Variants in WDR33 observed in about 807,000 individuals in gnomAD.
The protein encoded by WDR33 is pre-mRNA 3' end processing protein WDR33.
Under a neutral mutation model 164.9 loss-of-function variants are expected in WDR33, and 47 were observed. The observed-to-expected ratio is 0.29, with a 90% CI of 0.23 to 0.36. WDR33 has a LOEUF of 0.36. Among genes scored for constraint, WDR33 ranks in the 10% least tolerant of loss-of-function variants. WDR33 has a pLI of 1.00. For synonymous variants in WDR33, 505 were observed against 589.0 expected, an observed-to-expected ratio of 0.86 and a Z score of 2.06; for missense variants, 1,137 against 1,754.1, an observed-to-expected ratio of 0.65 and a Z score of 6.28.
intron 8 of WDR33, among the ~76,000 whole-genome samples, chr2:127,725,735 A>G (rs940463683): frequency 2.1e-5 from 3 of 141,104 alleles, no homozygotes; most frequent in African/African-American, 7.8e-5. Flanking sequence ...CTCTGTCTCA[A>G]AATAATAATA....
rs1293188891 is a variant in WDR33, at chr2:127,718,150, C to T, written c.2761-887G>A. Among the ~76,000 whole-genome samples the T allele has an allele frequency of 1.3e-5, 2 of 152,132 alleles. No individual in the cohort carries two copies. The highest frequency in any genetic ancestry group is 2.9e-5 in the Non-Finnish European group (2 of 68,022). On this transcript the variant is annotated intron_variant, in intron 16 of 21. Coordinates refer to ENST00000322313, the MANE Select transcript of WDR33 (RefSeq NM_018383.5). This position sits in a 1 kb window ranked among gnomAD's most constrained non-coding sequence, Gnocchi z 4.4. ...TACGACACTTTTAGGTTCTGGAAGA[C>T]CTACTTTAGAATAGTAGATAATTTA...
rs868165776 is a variant in WDR33 at position 127,701,853 on chromosome 2, G to A, written c.*4470C>T. 5 of 1,461,198 alleles carry A rather than the reference G, an allele frequency of 3.4e-6. No individual in the cohort carries two copies. The highest frequency in any genetic ancestry group is 3.1e-5 in the East Asian group (1 of 32,572). The allele number at this position is 1,461,198 out of a possible 1,614,324, so 90.5% of individuals were successfully genotyped here. On this transcript the variant is annotated 3_prime_UTR_variant, in exon 22 of 22. Transcript: ENST00000322313. Reference sequence around the variant, plus strand: ...GTTGCTGCTGCGCGCGCGCAAGTTCGCGCTGCTCTGGTCACTGGGCTCGGC... The same window carrying A: ...GTTGCTGCTGCGCGCGCGCAAGTTCACGCTGCTCTGGTCACTGGGCTCGGC...
At chr2:127,752,829 T>C (rs1687411874) in intron 7 of WDR33, among the ~76,000 whole-genome samples, 1 of 152,228 alleles carries the variant, frequency 6.6e-6, no homozygotes, top group Non-Finnish European at 1.5e-5. Flanking sequence ...AAAGAACCAA[T>C]GATAGCACAT....
intron 1 of WDR33, among the ~76,000 whole-genome samples, chr2:127,783,911 T>C (rs1688466643): frequency 6.6e-6 from 1 of 152,012 alleles, no homozygotes; most frequent in Admixed American, 6.6e-5. Flanking sequence ...TGGCCAGCAC[T>C]TCCTTATTCT....
rs1399462705 is a variant in WDR33, at chr2:127,710,230, C to T, written c.3309-374G>A. On this transcript the variant is annotated intron_variant, in intron 18 of 21. Coordinates refer to ENST00000322313, the MANE Select transcript of WDR33 (RefSeq NM_018383.5). This position sits in a 1 kb window ranked among gnomAD's most constrained non-coding sequence, Gnocchi z 4.4. The stretch of plus-strand genomic sequence containing the variant: ...TGCTGACATCATTTATTCAAGGACA[C>T]AGAGTAAGTGCTGGTGATCTGAACT... 6.6e-6 allele frequency among the ~76,000 whole-genome samples: 1 copy of T among 152,228 alleles called. No homozygotes were observed. The highest frequency in any genetic ancestry group is 1.9e-4 in the East Asian group (1 of 5,206).
Position 127,719,744 on chromosome 2 carries a change from C to A in WDR33, c.2281G>T (p.Gly761Ter). 6.2e-7 allele frequency: 1 copy of A among 1,613,820 alleles called. No individual in the cohort carries two copies. The highest frequency in any genetic ancestry group is 8.5e-7 in the Non-Finnish European group (1 of 1,179,980). Residue 761 changes from glycine to a stop codon, truncating the protein, a stop_gained, in exon 16 of 22, where the codon GGA (glycine) becomes TGA (stop). Transcript: ENST00000322313. LOFTEE classifies it high-confidence loss of function. This position sits in a 1 kb window ranked among gnomAD's most constrained non-coding sequence, Gnocchi z 6.5. ...CCTTGGATCCCTTGAGACCCTGGTC[C>A]GCCTTGGATCCCATGAGGATGAGGA... ...GPPHPHGIQG[G>*]PGSQGIQGPV...
intron 1 of WDR33, among the ~76,000 whole-genome samples, chr2:127,773,310 C>A (rs1412150254): frequency 6.6e-6 from 1 of 152,048 alleles, no homozygotes; most frequent in African/African-American, 2.4e-5. Flanking sequence ...AAATAATGAG[C>A]CTGAAAAAAT....
chr2:127,737,236 A>G, intron 7 of WDR33: 6 of 985,450 alleles, frequency 6.1e-6, no homozygotes, highest in Non-Finnish European at 7.2e-6. Context: ...ATTCTTTGAT[A>G]TTAACACCAA....
chr2:127,796,009 A>G (rs914872830), intron 1 of WDR33, among the ~76,000 whole-genome samples: 6 of 152,104 alleles, frequency 3.9e-5, no homozygotes, highest in Admixed American at 2.0e-4. Context: ...CTTGGTATAC[A>G]TAATAGATTT....
Position 127,725,046 on chromosome 2 carries a change from A to G in WDR33, c.1006+15T>C, listed in dbSNP as rs767675215. The stretch of plus-strand genomic sequence containing the variant: ...GGTAACAGTGGTCAATGAGAAGCAT[A>G]TCACAGCCACTGACCTGTGGCTTCT... On this transcript the variant is annotated intron_variant, in intron 9 of 21. Transcript: ENST00000322313. The G allele has an allele frequency of 2.2e-5, 35 of 1,614,042 alleles. No individual in the cohort carries two copies. Among genetic ancestry groups the G allele is most frequent in the Non-Finnish European group, 2.9e-5 (34 of 1,179,902 alleles).
chr2:127,767,216 A>G (rs868630312), intron 4 of WDR33, among the ~76,000 whole-genome samples: 5 of 151,676 alleles, frequency 3.3e-5, no homozygotes, highest in Admixed American at 6.6e-5. Flanking sequence ...ATCTGCCACT[A>G]ATGTTTGACA....
At chr2:127,756,211 G>A (rs1276077604) in intron 7 of WDR33, among the ~76,000 whole-genome samples, 1 of 151,812 alleles carries the variant, frequency 6.6e-6, no homozygotes, top group Non-Finnish European at 1.5e-5. Context: ...GTGCATGCCT[G>A]TAGTCCCAGC....
At chr2:127,768,450 T>C (rs757275026) in intron 3 of WDR33, among the ~76,000 whole-genome samples, 157 bp from the exon 4 acceptor site, 5 of 152,166 alleles carry the variant, frequency 3.3e-5, no homozygotes, top group Non-Finnish European at 7.4e-5. Flanking sequence ...AATTAGTCTA[T>C]TAATTAAGTG....
intron 7 of WDR33, among the ~76,000 whole-genome samples, chr2:127,732,335 A>G (rs1195273399): frequency 6.6e-6 from 1 of 151,440 alleles, no homozygotes; most frequent in African/African-American, 2.4e-5. Flanking sequence ...GTTGCACTCT[A>G]TCGCCCAGGC....
chr2:127,740,368 C>A (rs1686977555), intron 7 of WDR33, among the ~76,000 whole-genome samples: 2 of 151,488 alleles, frequency 1.3e-5, no homozygotes, highest in South Asian at 4.2e-4. Flanking sequence ...CACACACACA[C>A]ACACGGATTT....
rs954184779 is a variant in WDR33, at chr2:127,720,856, G to A, written c.1672-503C>T. ...TTACAGGCGTGAGCCACTGTGCCTG[G>A]CCTAGTCAGGATTATTTTTGTCCAT... On this transcript the variant is annotated intron_variant, in intron 15 of 21. Coordinates refer to ENST00000322313, the MANE Select transcript of WDR33 (RefSeq NM_018383.5). This position sits in a 1 kb window ranked among gnomAD's most constrained non-coding sequence, Gnocchi z 5.9. 6.6e-6 allele frequency among the ~76,000 whole-genome samples: 1 copy of A among 151,892 alleles called. No individual in the cohort carries two copies. Among genetic ancestry groups the A allele is most frequent in the African/African-American group, 2.4e-5 (1 of 41,338 alleles).
chr2:127,793,583 T>C (rs973611346), intron 1 of WDR33, among the ~76,000 whole-genome samples: 12 of 149,268 alleles, frequency 8.0e-5, no homozygotes, highest in African/African-American at 3.0e-4. Context: ...TCTACAAAAA[T>C]AAAATAAATT....
In WDR33 at chr2:127,715,685, A is replaced by G. The variant is rs547851560; in HGVS notation, c.2869+1470T>C. On this transcript the variant is annotated intron_variant, in intron 17 of 21. Coordinates refer to ENST00000322313, the MANE Select transcript of WDR33 (RefSeq NM_018383.5). The stretch of plus-strand genomic sequence containing the variant: ...CTTAGTGTAATCTCAGACACAGCAG[A>G]CCTTTGGTGTAAGGAAGCTAAACAT... Among the ~76,000 whole-genome samples, 41 of 152,274 alleles carry G rather than the reference A, an allele frequency of 2.7e-4. No individual in the cohort carries two copies. In the South Asian group the frequency reaches 7.5e-3, roughly 28 times the overall value.
At chr2:127,762,283 C>T (rs141446899) in intron 7 of WDR33, among the ~76,000 whole-genome samples, 1 of 152,262 alleles carries the variant, frequency 6.6e-6, no homozygotes, top group African/African-American at 2.4e-5. Context: ...AAACTACCTT[C>T]CTACTTAATA....
Sources: allele counts gnomAD v4.1 joint callset (sites outside exome capture counted in the v4.1 genomes callset), GRCh38; gene constraint gnomAD v4.1.1; non-coding constraint Gnocchi (gnomAD v3.1); transcripts MANE v1.5; gene names NCBI Gene and HGNC (gene_info 2026-07-23, HGNC 2026-07-21).